ASIC2: variants seen among roughly 807,000 people sequenced by gnomAD.
The protein encoded by ASIC2 is acid sensing ion channel subunit 2, also known as acid-sensing ion channel 2.
A neutral mutation model predicts 57.3 loss-of-function variants in ASIC2; 25 were observed. That is an observed-to-expected ratio of 0.44 (90% CI 0.32 to 0.61). ASIC2 has a LOEUF of 0.61. ASIC2 is among the 20% of genes least tolerant of loss of function. The pLI, the probability that ASIC2 is intolerant of heterozygous loss-of-function variation, is 0.06. For missense variants in ASIC2, 641 were observed against 738.1 expected, an observed-to-expected ratio of 0.87 and a Z score of 1.52; for synonymous variants, 319 against 307.5, an observed-to-expected ratio of 1.04 and a Z score of -0.39.
chr17:33,799,458 CTTTCTTTCT>C (rs1912057311), intron 1 of ASIC2, among the ~76,000 whole-genome samples: 2 of 102,762 alleles, frequency 1.9e-5, no homozygotes, highest in Non-Finnish European at 4.3e-5. Context: ...TTCTTTCTTT[CTTTCTTTCT>C]TTCTTTCTTT....
At chr17:33,848,740 G>A (rs751684212) in intron 1 of ASIC2, among the ~76,000 whole-genome samples, 4 of 152,182 alleles carry the variant, frequency 2.6e-5, no homozygotes, top group Non-Finnish European at 5.9e-5. Flanking sequence ...CTGGAAGGCA[G>A]GCAGGCTTCA....
intron 3 of ASIC2, among the ~76,000 whole-genome samples, chr17:33,073,663 T>C (rs1014253353): frequency 6.6e-6 from 1 of 152,198 alleles, no homozygotes; most frequent in African/African-American, 2.4e-5. Context: ...CGTGATGGAA[T>C]GCTAAGACTC....
intron 1 of ASIC2, among the ~76,000 whole-genome samples, chr17:33,470,460 T>TA (rs1363018479): frequency 2.0e-5 from 3 of 148,892 alleles, no homozygotes; most frequent in Non-Finnish European, 3.0e-5. Flanking sequence ...TTAGCAGGCT[T>TA]AAAAAATCTC....
chr17:34,135,926 T>C (rs1598043376), intron 1 of ASIC2, among the ~76,000 whole-genome samples: 1 of 152,252 alleles, frequency 6.6e-6, no homozygotes, highest in East Asian at 1.9e-4. Context: ...GAATGCTCAA[T>C]AGCTCCCTAT....
At chr17:34,149,176 G>A (rs1904420841) in intron 1 of ASIC2, among the ~76,000 whole-genome samples, 1 of 146,002 alleles carries the variant, frequency 6.8e-6, no homozygotes. Context: ...GTGTGATCAT[G>A]GCTCCCTGCA....
At chr17:33,710,919 A>G (rs939595472) in intron 1 of ASIC2, among the ~76,000 whole-genome samples, 1 of 152,090 alleles carries the variant, frequency 6.6e-6, no homozygotes, top group African/African-American at 2.4e-5. Context: ...CAGTAGTTTG[A>G]GTGGGGGCAC....
At chr17:33,084,470 A>C (rs1158159057) in intron 3 of ASIC2, among the ~76,000 whole-genome samples, 1 of 152,226 alleles carries the variant, frequency 6.6e-6, no homozygotes, top group Admixed American at 6.5e-5. Context: ...GGCAGAGCAG[A>C]AAGAGCATGG....
At chr17:33,579,286 CAAAAA>C (rs71362894) in intron 1 of ASIC2, among the ~76,000 whole-genome samples, 1 of 103,688 alleles carries the variant, frequency 9.6e-6, no homozygotes, top group Non-Finnish European at 1.9e-5. Context: ...AACTGTGTCT[CAAAAA>C]AAAAAAAAAA....
At chr17:33,791,626 A>G (rs2142137048) in intron 1 of ASIC2, among the ~76,000 whole-genome samples, 1 of 152,304 alleles carries the variant, frequency 6.6e-6, no homozygotes, top group East Asian at 1.9e-4. Flanking sequence ...TGCAAGGCTG[A>G]GGAGGTGGCC....
At chr17:33,811,378 C>T (rs779057799) in intron 1 of ASIC2, among the ~76,000 whole-genome samples, 6 of 152,198 alleles carry the variant, frequency 3.9e-5, no homozygotes, top group African/African-American at 7.2e-5. Context: ...ACAAACAACT[C>T]GTCTTAGAGA....
At chr17:34,052,661 G>C (rs1298318439) in intron 1 of ASIC2, among the ~76,000 whole-genome samples, 2 of 150,920 alleles carry the variant, frequency 1.3e-5, no homozygotes, top group Non-Finnish European at 2.9e-5. Flanking sequence ...TTGTTGCCCA[G>C]GCTGGAGTGC....
At chr17:33,436,888 C>T (rs1460916928) in intron 1 of ASIC2, among the ~76,000 whole-genome samples, 944 of 71,456 alleles carry the variant, frequency 0.013, 13 homozygotes, top group African/African-American at 0.051. Flanking sequence ...TTTTTTGAGA[C>T]GGAGTCTCGC....
chr17:33,014,114 T>C (rs1213474354), intron 9 of ASIC2, 48 bp from the exon 10 acceptor site: 1 of 1,457,824 alleles, frequency 6.9e-7, no homozygotes, highest in South Asian at 1.2e-5. Context: ...CAGCAAAAAT[T>C]CTTCATGATG....
At chr17:33,662,311 A>G (rs1907294352) in intron 1 of ASIC2, among the ~76,000 whole-genome samples, 1 of 152,126 alleles carries the variant, frequency 6.6e-6, no homozygotes, top group South Asian at 2.1e-4. Flanking sequence ...AATTTAGAGC[A>G]GGGTCTGATA....
At chr17:33,935,580 C>T (rs561030630) in intron 1 of ASIC2, 1 of 152,190 alleles carries the variant, frequency 6.6e-6, no homozygotes, top group South Asian at 2.1e-4. Flanking sequence ...GGTGCCAAGC[C>T]CCTTGCTAAG....
intron 1 of ASIC2, among the ~76,000 whole-genome samples, chr17:33,388,235 G>A (rs568186209): frequency 2.0e-5 from 3 of 152,242 alleles, no homozygotes; most frequent in South Asian, 2.1e-4. Flanking sequence ...TGAAAGAGGC[G>A]TGGAATCGAC....
chr17:33,432,975 A>G (rs1322841184), intron 1 of ASIC2, among the ~76,000 whole-genome samples: 1 of 152,238 alleles, frequency 6.6e-6, no homozygotes, highest in Non-Finnish European at 1.5e-5. Context: ...TAGCTCAACC[A>G]TTGTGGAAAA....
intron 1 of ASIC2, among the ~76,000 whole-genome samples, chr17:34,151,122 A>AAT (rs1555535982): frequency 4.0e-5 from 5 of 125,644 alleles, no homozygotes; most frequent in South Asian, 2.5e-4. Context: ...AAAAAAAAAA[A>AAT]AAATAAAGAG....
At chr17:33,479,743 A>C (rs1317877565) in intron 1 of ASIC2, among the ~76,000 whole-genome samples, 1 of 152,138 alleles carries the variant, frequency 6.6e-6, no homozygotes, top group African/African-American at 2.4e-5. Flanking sequence ...TTAGGCTGTG[A>C]CCAGGCCTTC....
Sources: gnomAD v4.1 joint callset for allele counts (sites outside exome capture counted in the v4.1 genomes callset) on GRCh38, gnomAD v4.1.1 for gene constraint, MANE v1.5 for transcripts, NCBI Gene and HGNC (gene_info 2026-07-23, HGNC 2026-07-21) for gene names.